ADRA1A: variants seen among roughly 807,000 people sequenced by gnomAD.
The protein encoded by ADRA1A is adrenoceptor alpha 1A.
A neutral mutation model predicts 29.6 loss-of-function variants in ADRA1A; 31 were observed. The ratio of observed to expected loss-of-function variants is 1.05; its 90% CI spans 0.79 to 1.41. ADRA1A has a LOEUF of 1.41. ADRA1A is among the 40% of genes most tolerant of loss of function. The pLI is 0.00. For missense variants in ADRA1A, 619 were observed against 601.1 expected, an observed-to-expected ratio of 1.03 and a Z score of -0.31; for synonymous variants, 311 against 254.3, an observed-to-expected ratio of 1.22 and a Z score of -2.12.
chr8:26,754,624 C>A (rs1294953402), downstream of ADRA1A, among the ~76,000 whole-genome samples: 1 of 152,034 alleles, frequency 6.6e-6, no homozygotes, highest in Non-Finnish European at 1.5e-5. Context: ...AGGAGACAAG[C>A]AGAAACGCTG....
intron 2 of ADRA1A, among the ~76,000 whole-genome samples, chr8:26,853,512 G>A (rs1812782682): frequency 6.6e-6 from 1 of 152,178 alleles, no homozygotes; most frequent in African/African-American, 2.4e-5. Context: ...TAATGTGACA[G>A]CAATACTAGA....
At chr8:26,842,714 A>G (rs984112043) in intron 2 of ADRA1A, among the ~76,000 whole-genome samples, 1 of 152,102 alleles carries the variant, frequency 6.6e-6, no homozygotes, top group Non-Finnish European at 1.5e-5. Context: ...CTCTGATTTC[A>G]TGGCCAAAAC....
chr8:26,802,076 A>T (rs1808622869), intron 2 of ADRA1A, among the ~76,000 whole-genome samples: 1 of 152,184 alleles, frequency 6.6e-6, no homozygotes, highest in Admixed American at 6.5e-5. Context: ...TATCTCTTGC[A>T]ATATACAAAA....
intron 2 of ADRA1A, among the ~76,000 whole-genome samples, chr8:26,836,619 C>T (rs956874401): frequency 3.3e-5 from 5 of 152,110 alleles, no homozygotes; most frequent in South Asian, 2.1e-4. Flanking sequence ...AGACGTGTAG[C>T]GAGTTATTTA....
chr8:26,861,035 A>G (rs1444367000), intron 2 of ADRA1A, among the ~76,000 whole-genome samples: 1 of 151,428 alleles, frequency 6.6e-6, no homozygotes, highest in Non-Finnish European at 1.5e-5. Flanking sequence ...TGGTTCCATC[A>G]CTCCTCTGGA....
chr8:26,839,145 T>C (rs951877945), intron 2 of ADRA1A, among the ~76,000 whole-genome samples: 4 of 149,664 alleles, frequency 2.7e-5, no homozygotes, highest in African/African-American at 9.9e-5. Context: ...GTGCTTCACT[T>C]CTCTGTGAAG....
In ADRA1A at chr8:26,859,065, G is replaced by A. The variant is rs763165070; in HGVS notation, c.883+5022C>T. ...CCTGGGTCAGTCCCTATTAAACATG[G>A]GTGTTTCACTTCTCAGCTGTGGATA... On this transcript the variant is annotated intron_variant, in intron 2 of 2. Coordinates refer to ENST00000380573, the MANE Select transcript of ADRA1A (RefSeq NM_000680.4). 43 of 1,280,090 alleles carry A rather than the reference G, an allele frequency of 3.4e-5. No individual in the cohort carries two copies. In the South Asian group the frequency reaches 5.5e-4, roughly 16 times the overall value. The allele number at this position is 1,280,090 out of a possible 1,614,324, so 79.3% of individuals were successfully genotyped here. A position where few individuals can be genotyped will look rare whatever the true frequency, so the allele number is the denominator to read the frequency against.
intron 2 of ADRA1A, chr8:26,779,099 T>G: frequency 2.0e-6 from 1 of 495,666 alleles, no homozygotes; most frequent in Non-Finnish European, 3.5e-6. Flanking sequence ...AGTTTTCTTA[T>G]TTACTTGTTT....
downstream of ADRA1A, among the ~76,000 whole-genome samples, chr8:26,751,898 A>G (rs1804938697): frequency 6.6e-6 from 1 of 152,202 alleles, no homozygotes; most frequent in Non-Finnish European, 1.5e-5. Flanking sequence ...GCTAAGGGGC[A>G]TGGGTGGGAT....
chr8:26,788,298 T>C (rs143192642), intron 2 of ADRA1A, among the ~76,000 whole-genome samples: 1 of 152,340 alleles, frequency 6.6e-6, no homozygotes, highest in African/African-American at 2.4e-5. Context: ...GCTGAGGCCA[T>C]ATGTTTATTA....
chr8:26,778,833 T>C (rs1374074376), intron 2 of ADRA1A, among the ~76,000 whole-genome samples: 2 of 150,390 alleles, frequency 1.3e-5, no homozygotes, highest in Non-Finnish European at 3.0e-5. Context: ...TTAGGAGATA[T>C]ACCTAATGTA....
At chr8:26,797,977 G>A (rs1049900657) in intron 2 of ADRA1A, among the ~76,000 whole-genome samples, 1 of 147,926 alleles carries the variant, frequency 6.8e-6, no homozygotes, top group Admixed American at 6.6e-5. Context: ...TGCATCGACA[G>A]TAAGTTAGTC....
chr8:26,756,201 A>G (rs1805157524), downstream of ADRA1A, among the ~76,000 whole-genome samples: 1 of 152,238 alleles, frequency 6.6e-6, no homozygotes. Flanking sequence ...CTAACATCTA[A>G]TAGGACACAG....
chr8:26,857,924 T>C (rs1813167894), intron 2 of ADRA1A, among the ~76,000 whole-genome samples: 1 of 152,192 alleles, frequency 6.6e-6, no homozygotes, highest in East Asian at 1.9e-4. Context: ...TCTGCTCCAT[T>C]AGGGCAGGGA....
At position 26,840,467 on chromosome 8, in the gene ADRA1A, C is replaced by A. The variant is rs189046522; in HGVS notation, c.883+23620G>T. Among the ~76,000 whole-genome samples the A allele has an allele frequency of 2.7e-4, 41 of 152,246 alleles. No individual in the cohort carries two copies. In the East Asian group the frequency reaches 7.9e-3, roughly 29 times the overall value. On this transcript the variant is annotated intron_variant, in intron 2 of 2. Coordinates refer to ENST00000380573, the MANE Select transcript of ADRA1A (RefSeq NM_000680.4). ...AAACCAGCTGGGGCCAAAGCAGTTA[C>A]CATGGAAACCCTAGACTTTGGTTTG...
chr8:26,857,881 A>C (rs906688203), intron 2 of ADRA1A, among the ~76,000 whole-genome samples: 1 of 152,162 alleles, frequency 6.6e-6, no homozygotes, highest in Admixed American at 6.5e-5. Flanking sequence ...CATTTTTCAT[A>C]TACCTTTGCT....
chr8:26,859,689 C>A (rs563168383), intron 2 of ADRA1A, among the ~76,000 whole-genome samples: 19 of 152,106 alleles, frequency 1.2e-4, no homozygotes, highest in African/African-American at 4.3e-4. Context: ...CTGGCAGGTT[C>A]AGGGATCCTT....
At chr8:26,855,898 C>T (rs920831793) in intron 2 of ADRA1A, among the ~76,000 whole-genome samples, 1 of 152,210 alleles carries the variant, frequency 6.6e-6, no homozygotes, top group African/African-American at 2.4e-5. Context: ...AAACTGTCCT[C>T]ATATCCACCA....
intron 2 of ADRA1A, among the ~76,000 whole-genome samples, chr8:26,809,207 C>T (rs747239484): frequency 2.0e-5 from 3 of 152,174 alleles, no homozygotes; most frequent in Non-Finnish European, 2.9e-5. Flanking sequence ...CTAATTTGAA[C>T]TATTGTCCAG....
Sources: allele counts gnomAD v4.1 joint callset (sites outside exome capture counted in the v4.1 genomes callset), GRCh38; gene constraint gnomAD v4.1.1; transcripts MANE v1.5; gene names NCBI Gene and HGNC (gene_info 2026-07-23, HGNC 2026-07-21).